DGKB: variants seen among roughly 807,000 people sequenced by gnomAD.
The protein encoded by DGKB is diacylglycerol kinase beta, also known as 90 kDa diacylglycerol kinase.
Under a neutral mutation model 114.3 loss-of-function variants are expected in DGKB, and 67 were observed. That is an observed-to-expected ratio of 0.59 (90% confidence interval 0.48 to 0.72). DGKB has a LOEUF of 0.72. Among genes scored for constraint, DGKB ranks in the 30% least tolerant of loss-of-function variants. The pLI is 0.00. For synonymous variants in DGKB, 398 were observed against 323.1 expected (o/e 1.23, Z -2.49); for missense variants, 907 against 975.2 (o/e 0.93, Z 0.93).
At chr7:14,519,364 G>A (rs1234758312) in intron 20 of DGKB, among the ~76,000 whole-genome samples, 5 of 151,974 alleles carry the variant, frequency 3.3e-5, no homozygotes, top group African/African-American at 1.2e-4. Context: ...TTTCCATCCA[G>A]CTTCCTTCAC....
intron 2 of DGKB, among the ~76,000 whole-genome samples, chr7:14,839,348 T>C (rs1038780570): frequency 6.6e-6 from 1 of 151,842 alleles, no homozygotes; most frequent in African/African-American, 2.4e-5. Context: ...AGTATAAGAC[T>C]GCAAGTGATA....
intron 1 of DGKB, among the ~76,000 whole-genome samples, chr7:14,946,868 A>G (rs1368234939): frequency 6.6e-6 from 1 of 151,808 alleles, no homozygotes; most frequent in Non-Finnish European, 1.5e-5. Flanking sequence ...TATATTTGAC[A>G]TTGTATAATC....
intron 13 of DGKB, among the ~76,000 whole-genome samples, chr7:14,643,309 C>T (rs186409928): frequency 2.0e-4 from 31 of 152,202 alleles, no homozygotes; most frequent in Admixed American, 7.2e-4. Context: ...TCACAGACCC[C>T]GAGCCTAGTG....
intron 1 of DGKB, among the ~76,000 whole-genome samples, chr7:14,845,106 C>CAAAAAAAAAAAA (rs59367496): frequency 1.2e-4 from 11 of 89,242 alleles, no homozygotes; most frequent in Non-Finnish European, 1.8e-4. Flanking sequence ...GGCCCTGTGT[C>CAAAAAAAAAAAA]AAAAAAAAAA....
At chr7:14,217,945 T>G (rs1266598039) in intron 23 of DGKB, among the ~76,000 whole-genome samples, 1 of 152,132 alleles carries the variant, frequency 6.6e-6, no homozygotes, top group African/African-American at 2.4e-5. Flanking sequence ...AATAAATACC[T>G]TTGTAAATAA....
chr7:14,445,992 A>T (rs1474762342), intron 21 of DGKB, among the ~76,000 whole-genome samples: 2 of 152,134 alleles, frequency 1.3e-5, no homozygotes, highest in African/African-American at 4.8e-5. Context: ...ATTAAATTTC[A>T]CTAACTATAA....
At chr7:14,870,582 C>T (rs914370872) in intron 1 of DGKB, among the ~76,000 whole-genome samples, 2 of 151,916 alleles carry the variant, frequency 1.3e-5, no homozygotes, top group Non-Finnish European at 2.9e-5. Flanking sequence ...CAGATCGCGA[C>T]ATCAGGCGTT....
In DGKB at chr7:14,952,967, C is replaced by T. The variant is rs1246502957; in HGVS notation, c.-188+21729G>A. Among the ~76,000 whole-genome samples the T allele has an allele frequency of 4.6e-5, 7 of 151,944 alleles. No homozygotes were observed. In the South Asian group the frequency reaches 1.0e-3, roughly 23 times the overall value. ...AAAAAACAATTCAGTGGGGGAAATA[C>T]GGTCATTTCAACAAATGGTGTTTTA... On this transcript the variant is annotated intron_variant, in intron 1 of 4. Coordinates refer to the DGKB transcript ENST00000437998.
intron 22 of DGKB, among the ~76,000 whole-genome samples, chr7:14,343,836 AAT>A (rs1812023156): frequency 6.7e-6 from 1 of 149,518 alleles, no homozygotes; most frequent in South Asian, 2.1e-4. Context: ...TATGCACATA[AAT>A]ATGTATATGT....
At chr7:14,393,023 C>T (rs1272296758) in intron 21 of DGKB, among the ~76,000 whole-genome samples, 6 of 2,494 alleles carry the variant, frequency 2.4e-3, no homozygotes, top group African/African-American at 4.3e-3. Context: ...CGGAGTCTCG[C>T]TATCGCCCAG....
intron 21 of DGKB, among the ~76,000 whole-genome samples, chr7:14,376,532 G>A (rs570283718): frequency 2.6e-5 from 4 of 151,894 alleles, no homozygotes; most frequent in Non-Finnish European, 2.9e-5. Context: ...TAAATCATAC[G>A]AATAATTTTC....
At chr7:14,519,715 G>A (rs1012574573) in intron 20 of DGKB, among the ~76,000 whole-genome samples, 8 of 151,744 alleles carry the variant, frequency 5.3e-5, no homozygotes, top group African/African-American at 1.7e-4. Flanking sequence ...CCAACACTGG[G>A]TACTGTATGG....
chr7:14,418,385 A>ACACACACACGTG (rs1187897342), intron 21 of DGKB, among the ~76,000 whole-genome samples: 2 of 145,162 alleles, frequency 1.4e-5, no homozygotes, highest in African/African-American at 5.1e-5. Context: ...ATATATATAT[A>ACACACACACGTG]TATATATACA....
intron 20 of DGKB, among the ~76,000 whole-genome samples, chr7:14,531,231 G>A (rs73682434): frequency 0.02 from 2,992 of 151,382 alleles, 87 homozygotes; most frequent in African/African-American, 0.069. Flanking sequence ...TAAACTGAAA[G>A]TATCTAAATT....
intron 13 of DGKB, among the ~76,000 whole-genome samples, chr7:14,654,800 T>C (rs370674054): frequency 5.3e-5 from 8 of 151,922 alleles, no homozygotes; most frequent in African/African-American, 1.9e-4. Context: ...CTATAATAAA[T>C]GGTGTTGAGA....
chr7:14,910,511 G>GA (rs1051948301), intron 1 of DGKB, among the ~76,000 whole-genome samples: 1 of 151,854 alleles, frequency 6.6e-6, no homozygotes, highest in Non-Finnish European at 1.5e-5. Flanking sequence ...ATTTTAGTGA[G>GA]AAAAAATACT....
intron 21 of DGKB, among the ~76,000 whole-genome samples, chr7:14,430,453 A>T (rs1232039859): frequency 6.6e-6 from 1 of 152,174 alleles, no homozygotes; most frequent in Non-Finnish European, 1.5e-5. Flanking sequence ...TGATTGGTTA[A>T]CATGTGAAGT....
chr7:14,207,502 C>T (rs975549615), intron 23 of DGKB, among the ~76,000 whole-genome samples: 1 of 151,948 alleles, frequency 6.6e-6, no homozygotes, highest in Non-Finnish European at 1.5e-5. Context: ...GACTCATGCA[C>T]AGAAGCAGAG....
At chr7:14,315,477 G>A (rs1806294462) in intron 23 of DGKB, among the ~76,000 whole-genome samples, 1 of 151,728 alleles carries the variant, frequency 6.6e-6, no homozygotes, top group South Asian at 2.1e-4. Flanking sequence ...GGCAGGGGTT[G>A]CAATCCTAGT....
Sources: gnomAD v4.1 joint callset for allele counts (sites outside exome capture counted in the v4.1 genomes callset) on GRCh38, gnomAD v4.1.1 for gene constraint, MANE v1.5 for transcripts, NCBI Gene and HGNC (gene_info 2026-07-23, HGNC 2026-07-21) for gene names.